The following ZNF33A variants were observed in gnomAD, a reference collection of about 807,000 sequenced individuals.
ZNF33A encodes the protein brain my041 protein.
A neutral mutation model predicts 15.9 loss-of-function variants in ZNF33A; 9 were observed. The observed-to-expected ratio is 0.57, with a 90% CI of 0.34 to 0.99. The LOEUF (loss-of-function observed/expected upper bound fraction) is 0.99. ZNF33A is among the 50% of genes least tolerant of loss of function. The pLI, the probability that ZNF33A is intolerant of heterozygous loss-of-function variation, is 0.02. For missense variants in ZNF33A, 843 were observed against 941.6 expected (o/e 0.90, Z 1.37); for synonymous variants, 294 against 324.2 (o/e 0.91, Z 1.00).
At chr10:38,048,333 T>C (rs1481034612) in intron 4 of ZNF33A, among the ~76,000 whole-genome samples, 1 of 152,204 alleles carries the variant, frequency 6.6e-6, no homozygotes, top group Admixed American at 6.5e-5. Flanking sequence ...ATTTAAAATA[T>C]ATGACAAACA....
At position 38,016,884 on chromosome 10, in the gene ZNF33A, C is replaced by T. The variant is rs376212108; in HGVS notation, c.23C>T (p.Ser8Phe). 12 of 1,613,856 alleles carry T rather than the reference C, an allele frequency of 7.4e-6. No individual in the cohort carries two copies. Among genetic ancestry groups the T allele is most frequent in the Non-Finnish European group, 1.0e-5 (12 of 1,179,954 alleles). Residue 8 changes from serine to phenylalanine, a missense_variant, in exon 3 of 5, where the codon TCC becomes TTC. By Grantham distance (155) the Ser-to-Phe change is radical (BLOSUM62 -2). Transcript: ENST00000432900. ...TGAATGTTTCAGGTAGAACAGAAGT[C>T]CCAGGAGTCAGTATCATTTAAAGAT... MNKVEQK[S>F]QESVSFKDVT...
At chr10:38,048,126 G>A (rs1001182851) in intron 4 of ZNF33A, among the ~76,000 whole-genome samples, 1 of 152,170 alleles carries the variant, frequency 6.6e-6, no homozygotes, top group African/African-American at 2.4e-5. Context: ...AAAGCTGAAA[G>A]ATTTCCTCTC....
At chr10:38,062,711 A>T (rs912662296), downstream of ZNF33A, among the ~76,000 whole-genome samples, 1 of 151,906 alleles carries the variant, frequency 6.6e-6, no homozygotes, top group African/African-American at 2.4e-5. Flanking sequence ...CTGTCTCTTT[A>T]AAAAACAAAA....
chr10:38,015,734 A>G (rs1164428383), intron 2 of ZNF33A, among the ~76,000 whole-genome samples: 1 of 152,210 alleles, frequency 6.6e-6, no homozygotes, highest in Non-Finnish European at 1.5e-5. Context: ...GCAGCTGTGC[A>G]TGGAGATAGC....
At chr10:38,045,396 C>T (rs1245233831) in intron 4 of ZNF33A, among the ~76,000 whole-genome samples, 3 of 152,106 alleles carry the variant, frequency 2.0e-5, no homozygotes, top group Admixed American at 6.6e-5. Context: ...TTGCTGATAG[C>T]CGCTACTGAT....
At chr10:38,022,657 CAAAAAAA>C (rs35295191) in intron 4 of ZNF33A, among the ~76,000 whole-genome samples, 1 of 90,932 alleles carries the variant, frequency 1.1e-5, no homozygotes, top group East Asian at 3.5e-4. Context: ...AACTCTGTCT[CAAAAAAA>C]AAAAAAAAAA....
intron 4 of ZNF33A, among the ~76,000 whole-genome samples, chr10:38,022,454 C>T (rs1190634023): frequency 7.9e-5 from 12 of 151,888 alleles, no homozygotes; most frequent in African/African-American, 1.9e-4. Flanking sequence ...GTCAAGAGTT[C>T]GTGACCACCC....
chr10:38,012,418 G>A, intron 2 of ZNF33A, 68 bp downstream of exon 2: 1 of 1,106,966 alleles, frequency 9.0e-7, no homozygotes, highest in Non-Finnish European at 1.3e-6. Context: ...GAGTCGATAT[G>A]GTGTTTGTTT....
chr10:38,058,429 T>C lies in ZNF33A; in HGVS notation c.*1869T>C, dbSNP rs905455565. Reference sequence around the variant, plus strand: ...TCTCAAAGCTCACACAAGATAGACCTCAATAGGCATATGTATCTATTAAAT... The same window carrying C: ...TCTCAAAGCTCACACAAGATAGACCCCAATAGGCATATGTATCTATTAAAT... On this transcript the variant is annotated 3_prime_UTR_variant, in exon 5 of 5. Transcript: ENST00000432900. 1 of 152,164 alleles carries C rather than the reference T, an allele frequency of 6.6e-6. No individual in the cohort carries two copies. The highest frequency in any genetic ancestry group is 2.4e-5 in the African/African-American group (1 of 41,430). 9.4% of individuals were successfully genotyped at this position (152,164 alleles called of 1,614,324 possible). A position where few individuals can be genotyped will look rare whatever the true frequency, so the allele number is the denominator to read the frequency against.
rs746337999 is a variant in ZNF33A, at chr10:38,054,679, T to C, written c.555T>C (p.Thr185=). Residue 185 remains threonine, a synonymous_variant, in exon 5 of 5, where the codon ACT becomes ACC. Transcript: ENST00000432900. ...KLLLNIKHDE[T]HTQEKNEVLK... ...TACTCAATATTAAGCATGATGAAAC[T>C]CATACTCAAGAGAAAAATGAAGTTT... 2.5e-6 allele frequency: 4 copies of C among 1,613,786 alleles called. No homozygotes were observed. The Admixed American group carries it at 6.7e-5, about 27-fold the overall frequency.
chr10:38,010,564 G>T, upstream of ZNF33A: 1 of 828,618 alleles, frequency 1.2e-6, no homozygotes, highest in Non-Finnish European at 2.1e-6. Flanking sequence ...CTACCAATCC[G>T]AAGGGCTGCT....
intron 4 of ZNF33A, among the ~76,000 whole-genome samples, chr10:38,017,977 C>G (rs2064543975): frequency 6.6e-6 from 1 of 152,082 alleles, no homozygotes; most frequent in African/African-American, 2.4e-5. Flanking sequence ...GCCTGTAATC[C>G]CAGCTAACTG....
rs976387160 is a variant in ZNF33A at position 38,058,559 on chromosome 10, C to T, written c.*1999C>T. The stretch of plus-strand genomic sequence containing the variant: ...GGCTGAGGCGGGTGGATCACAAGGT[C>T]AGGAGTTCGAGACCAGCCTGGTCAA... On this transcript the variant is annotated 3_prime_UTR_variant, in exon 5 of 5. Coordinates refer to ENST00000432900, the MANE Select transcript of ZNF33A (RefSeq NM_006954.2). 2.0e-5 allele frequency: 3 copies of T among 152,208 alleles called. No homozygotes were observed. Among genetic ancestry groups the T allele is most frequent in the Non-Finnish European group, 4.4e-5 (3 of 68,068 alleles). 9.4% of individuals were successfully genotyped at this position (152,208 alleles called of 1,614,324 possible).
At chr10:38,063,051 C>T (rs1044107105), downstream of ZNF33A, among the ~76,000 whole-genome samples, 1 of 147,838 alleles carries the variant, frequency 6.8e-6, no homozygotes, top group African/African-American at 2.5e-5. Flanking sequence ...GTATCCTGTG[C>T]CGGTCATCTG....
At chr10:38,047,992 G>A (rs2066031245) in intron 4 of ZNF33A, among the ~76,000 whole-genome samples, 1 of 152,108 alleles carries the variant, frequency 6.6e-6, no homozygotes, top group South Asian at 2.1e-4. Context: ...CTTAAATGAG[G>A]CAACAGAGAA....
downstream of ZNF33A, among the ~76,000 whole-genome samples, chr10:38,067,587 G>C (rs573372536): frequency 2.0e-5 from 3 of 152,246 alleles, no homozygotes; most frequent in East Asian, 1.9e-4. Context: ...TTGATACCGG[G>C]TTCAAGGTGT....
intron 2 of ZNF33A, chr10:38,016,084 A>T (rs2064439091): frequency 1.9e-6 from 2 of 1,069,528 alleles, no homozygotes; most frequent in Non-Finnish European, 2.4e-6. Context: ...TCCATTTTCT[A>T]CACATCCTTA....
Position 38,056,235 on chromosome 10 carries a change from A to G in ZNF33A, c.2111A>G (p.His704Arg). The G allele has an allele frequency of 6.2e-7, 1 of 1,614,160 alleles. No homozygotes were observed. The highest frequency in any genetic ancestry group is 1.3e-5 in the African/African-American group (1 of 75,052). ...AATGAATGTGGGAAATTCTTCAGGC[A>G]CAAATCATCACTCACAGTACATCAC... ...ECNECGKFFR[H>R]KSSLTVHHRA... The change falls in exon 5 of 5, where the codon CAC becomes CGC. Residue 704 changes from histidine to arginine, a missense_variant. By Grantham distance (29) the His-to-Arg change is conservative (BLOSUM62 0). Coordinates refer to ENST00000432900, the MANE Select transcript of ZNF33A (RefSeq NM_006954.2).
intron 4 of ZNF33A, among the ~76,000 whole-genome samples, chr10:38,027,292 G>A (rs2065027075): frequency 6.6e-6 from 1 of 151,352 alleles, no homozygotes; most frequent in South Asian, 2.1e-4. Flanking sequence ...ATTTTTGTGT[G>A]TGTGTGTATA....
Sources: allele counts gnomAD v4.1 joint callset (sites outside exome capture counted in the v4.1 genomes callset), GRCh38; gene constraint gnomAD v4.1.1; transcripts MANE v1.5; gene names NCBI Gene and HGNC (gene_info 2026-07-23, HGNC 2026-07-21).